Variants in C19orf44 observed in about 807,000 individuals in gnomAD.
C19orf44 encodes the protein uncharacterized protein C19orf44.
A neutral mutation model predicts 50.7 loss-of-function variants in C19orf44; 43 were observed. The observed-to-expected ratio is 0.85, with a 90% CI of 0.66 to 1.09. The LOEUF (loss-of-function observed/expected upper bound fraction) is 1.09, where lower values mean the gene tolerates loss of function less well. C19orf44 is among the 50% of genes least tolerant of loss of function. The pLI, the probability that C19orf44 is intolerant of heterozygous loss-of-function variation, is 0.00. For synonymous variants in C19orf44, 298 were observed against 334.7 expected, an observed-to-expected ratio of 0.89 and a Z score of 1.20; for missense variants, 722 against 836.2, an observed-to-expected ratio of 0.86 and a Z score of 1.68.
At chr19:16,515,156 G>A (rs529371522) in intron 7 of C19orf44, among the ~76,000 whole-genome samples, 10 of 152,278 alleles carry the variant, frequency 6.6e-5, no homozygotes, top group East Asian at 1.9e-4. Context: ...GAGGTCAGGC[G>A]TTTGAGACCA....
In C19orf44 at chr19:16,520,071, C is replaced by G. The variant is rs1326711137; in HGVS notation, c.*41-23C>G. 1.4e-6 allele frequency: 2 copies of G among 1,449,356 alleles called. No individual in the cohort carries two copies. The highest frequency in any genetic ancestry group is 2.8e-5 in the African/African-American group (2 of 71,518). 89.8% of individuals were successfully genotyped at this position (1,449,356 alleles called of 1,614,324 possible). A position where few individuals can be genotyped will look rare whatever the true frequency, so the allele number is the denominator to read the frequency against. On this transcript the variant is annotated intron_variant, in intron 8 of 8. Coordinates refer to ENST00000221671, the MANE Select transcript of C19orf44 (RefSeq NM_032207.4). The surrounding 1 kb of genome is among the most constrained non-coding windows in gnomAD (Gnocchi z 4.0). ...CGGCCTCCTAACACAGTCTCCTAACCACCAATGTTTCCACATTCACAGCAA... is the reference window on the plus strand; with the variant it reads ...CGGCCTCCTAACACAGTCTCCTAACGACCAATGTTTCCACATTCACAGCAA...
At chr19:16,506,927 C>T (rs1164004701) in intron 4 of C19orf44, among the ~76,000 whole-genome samples, 153 bp downstream of exon 4, 2 of 152,136 alleles carry the variant, frequency 1.3e-5, no homozygotes, top group Non-Finnish European at 2.9e-5. Context: ...CCCGATTCAG[C>T]CTCCCAAAGT....
chr19:16,498,755 C>G (rs2093416784), intron 1 of C19orf44, among the ~76,000 whole-genome samples: 1 of 151,916 alleles, frequency 6.6e-6, no homozygotes, highest in South Asian at 2.1e-4. Flanking sequence ...ACTGCAAGCT[C>G]TGCCTCCTGG....
In C19orf44 at chr19:16,519,854, A is replaced by C. The variant is rs1599744517; in HGVS notation, c.*41-240A>C. ...CACCGTATGCAGATTTTGCGTCTCT[A>C]CCCGTTTATCCTGTCTCAGCTAGAT... On this transcript the variant is annotated intron_variant, in intron 8 of 8. Coordinates refer to ENST00000221671, the MANE Select transcript of C19orf44 (RefSeq NM_032207.4). This position sits in a 1 kb window ranked among gnomAD's most constrained non-coding sequence, Gnocchi z 6.0. 1.3e-6 allele frequency: 1 copy of C among 793,832 alleles called. No homozygotes were observed. The allele number at this position is 793,832 out of a possible 1,614,324, so 49.2% of individuals were successfully genotyped here.
At chr19:16,505,502 C>CCATGCCCGA (rs1486412995) in intron 3 of C19orf44, among the ~76,000 whole-genome samples, 1 of 152,124 alleles carries the variant, frequency 6.6e-6, no homozygotes, top group Non-Finnish European at 1.5e-5. Flanking sequence ...GCATGAGCCA[C>CCATGCCCGA]TGCACCAAGC....
In C19orf44 at chr19:16,517,374, C is replaced by T. The variant is rs114467203; in HGVS notation, c.*40+33C>T. 365 of 1,375,242 alleles carry T rather than the reference C, an allele frequency of 2.7e-4. No individual in the cohort carries two copies. In the African/African-American group the frequency reaches 4.4e-3, roughly 17 times the overall value. The allele number at this position is 1,375,242 out of a possible 1,614,324, so 85.2% of individuals were successfully genotyped here. A position where few individuals can be genotyped will look rare whatever the true frequency, so the allele number is the denominator to read the frequency against. Reference sequence around the variant, plus strand: ...GTCCTGTGTACTCAGTGCACACACACGCACACAAACATAGAGCTCATCAGT... The same window carrying T: ...GTCCTGTGTACTCAGTGCACACACATGCACACAAACATAGAGCTCATCAGT... On this transcript the variant is annotated intron_variant, in intron 8 of 8. Coordinates refer to ENST00000221671, the MANE Select transcript of C19orf44 (RefSeq NM_032207.4).
intron 5 of C19orf44, 29 bp downstream of exon 5, chr19:16,510,017 G>GCAGCCGGGA: frequency 6.2e-7 from 1 of 1,614,048 alleles, no homozygotes; most frequent in Non-Finnish European, 8.5e-7. Flanking sequence ...GGGGGCCGGG[G>GCAGCCGGGA]CAGCCGGGAC....
intron 3 of C19orf44, among the ~76,000 whole-genome samples, chr19:16,505,977 C>T (rs142041084): frequency 2.8e-4 from 40 of 144,682 alleles, no homozygotes; most frequent in African/African-American, 1.0e-3. Flanking sequence ...CCACCATGCC[C>T]GATGATTATT....
intron 3 of C19orf44, among the ~76,000 whole-genome samples, chr19:16,505,545 G>A (rs1465982484): frequency 6.6e-6 from 1 of 151,982 alleles, no homozygotes; most frequent in Non-Finnish European, 1.5e-5. Flanking sequence ...TTTCTCAGAA[G>A]GCAGCCACGC....
chr19:16,508,676 GC>G (rs2093447377), intron 4 of C19orf44, among the ~76,000 whole-genome samples: 1 of 152,096 alleles, frequency 6.6e-6, no homozygotes, highest in Non-Finnish European at 1.5e-5. Context: ...GTGAGCCATT[GC>G]CCCCAGGCAT....
intron 2 of C19orf44, 66 bp from the exon 3 acceptor site, chr19:16,502,993 AAAAAAC>A: frequency 6.9e-7 from 1 of 1,459,078 alleles, no homozygotes. Context: ...TCTCAAAAAA[AAAAAAC>A]AAAAAACAAA....
rs1212737813 is a variant in C19orf44 at position 16,501,038 on chromosome 19, C to T, written c.246C>T (p.Pro82=). The change falls in exon 2 of 9, where the codon CCC becomes CCT. Residue 82 remains proline, a synonymous_variant. Transcript: ENST00000221671. ...SGPRLASCRP[P]TTASRIRANA... ...CCAGGCTTGCCTCATGTAGACCGCC[C>T]ACCACTGCCTCCAGGATCCGAGCCA... 1 of 1,613,976 alleles carries T rather than the reference C, an allele frequency of 6.2e-7. No individual in the cohort carries two copies. The highest frequency in any genetic ancestry group is 8.5e-7 in the Non-Finnish European group (1 of 1,180,030).
rs776626403 is a variant in C19orf44 at position 16,519,594 on chromosome 19, C to T, written c.*41-500C>T. 1.0e-5 allele frequency: 16 copies of T among 1,584,102 alleles called. No homozygotes were observed. Among genetic ancestry groups the T allele is most frequent in the South Asian group, 5.5e-5 (5 of 90,446 alleles). ...GCCCAGCACGCGTGAGGACCCATCC[C>T]GCGCCCTCCCCATTCCCTCGCCTTA... On this transcript the variant is annotated intron_variant, in intron 8 of 8. Transcript: ENST00000221671. The surrounding 1 kb of genome is among the most constrained non-coding windows in gnomAD (Gnocchi z 6.0).
intron 3 of C19orf44, among the ~76,000 whole-genome samples, chr19:16,504,972 C>A (rs1175983208): frequency 1.3e-5 from 2 of 152,004 alleles, no homozygotes; most frequent in African/African-American, 4.8e-5. Context: ...GTGCCCACCA[C>A]CACGCCCAGC....
intron 1 of C19orf44, chr19:16,499,711 A>C (rs1289637909): frequency 1.3e-5 from 2 of 152,212 alleles, no homozygotes; most frequent in Admixed American, 1.3e-4. Flanking sequence ...TACCTAGAAA[A>C]ATATACACAT....
In C19orf44 at chr19:16,519,599, C is replaced by T. The variant is rs1186509254; in HGVS notation, c.*41-495C>T. 1 of 1,604,822 alleles carries T rather than the reference C, an allele frequency of 6.2e-7. No homozygotes were observed. ...GCACGCGTGAGGACCCATCCCGCGC[C>T]CTCCCCATTCCCTCGCCTTACCCAT... On this transcript the variant is annotated intron_variant, in intron 8 of 8. Coordinates refer to ENST00000221671, the MANE Select transcript of C19orf44 (RefSeq NM_032207.4). The surrounding 1 kb of genome is among the most constrained non-coding windows in gnomAD (Gnocchi z 6.0).
intron 4 of C19orf44, 36 bp from the exon 5 acceptor site, chr19:16,509,463 A>T: frequency 4.6e-6 from 7 of 1,525,510 alleles, no homozygotes; most frequent in Non-Finnish European, 6.1e-6. Context: ...TATTTCCAAA[A>T]CACTTCCCAG....
At chr19:16,505,672 TATC>T (rs2093438474) in intron 3 of C19orf44, among the ~76,000 whole-genome samples, 1 of 152,184 alleles carries the variant, frequency 6.6e-6, no homozygotes. Context: ...TCATTATTAT[TATC>T]ATTATTTGTT....
chr19:16,500,338 CTTTTCTTTTTTCT>C (rs1174788220), intron 1 of C19orf44, among the ~76,000 whole-genome samples: 2 of 150,614 alleles, frequency 1.3e-5, no homozygotes, highest in Non-Finnish European at 3.0e-5. Flanking sequence ...GGTAATTTGT[CTTTTCTTTTTTCT>C]TTTTCTTTTT....
Sources: gnomAD v4.1 joint callset for allele counts (sites outside exome capture counted in the v4.1 genomes callset) on GRCh38, gnomAD v4.1.1 for gene constraint, Gnocchi (gnomAD v3.1) non-coding constraint, MANE v1.5 for transcripts, NCBI Gene and HGNC (gene_info 2026-07-23, HGNC 2026-07-21) for gene names.